The following GABBR1 variants were observed in gnomAD, a reference collection of about 807,000 sequenced individuals.
GABBR1 encodes gamma-aminobutyric acid type B receptor subunit 1.
Under a neutral mutation model 117.7 loss-of-function variants are expected in GABBR1, and 35 were observed. The observed-to-expected ratio is 0.30, with a 90% CI of 0.23 to 0.39. The LOEUF (loss-of-function observed/expected upper bound fraction) is 0.39, where lower values mean the gene tolerates loss of function less well. GABBR1 is among the 10% of genes least tolerant of loss of function. GABBR1 has a pLI of 1.00. For synonymous variants in GABBR1, 442 were observed against 486.6 expected (o/e 0.91, Z 1.21); for missense variants, 709 against 1,241.8 (o/e 0.57, Z 6.45).
Position 29,625,410 on chromosome 6 carries a change from C to T in GABBR1, c.658-1386G>A, listed in dbSNP as rs1314531840. 2.0e-5 allele frequency among the ~76,000 whole-genome samples: 3 copies of T among 152,152 alleles called. No individual in the cohort carries two copies. In the East Asian group the frequency reaches 5.8e-4, roughly 29 times the overall value. On this transcript the variant is annotated intron_variant, in intron 6 of 22. Coordinates refer to ENST00000377034, the MANE Select transcript of GABBR1 (RefSeq NM_001470.4). ...CAAGAACATATAAGATACATATCAA[C>T]AGGGCAAGGCATGCCCCCCATTTTG...
intron 4 of GABBR1, chr6:29,629,372 G>A (rs899410762): frequency 1.6e-6 from 1 of 624,684 alleles, no homozygotes; most frequent in Non-Finnish European, 2.9e-6. Context: ...GCAGATCTTG[G>A]TTCTGTGGTG....
At chr6:29,616,418 G>C (rs1763111152) in intron 11 of GABBR1, among the ~76,000 whole-genome samples, 1 of 151,342 alleles carries the variant, frequency 6.6e-6, no homozygotes, top group African/African-American at 2.4e-5. Context: ...TGGAGCAGTG[G>C]CTCACGCCTG....
chr6:29,629,370 T>G, intron 4 of GABBR1: 1 of 625,998 alleles, frequency 1.6e-6, no homozygotes, highest in South Asian at 1.8e-5. Flanking sequence ...GGGCAGATCT[T>G]GGTTCTGTGG....
intron 6 of GABBR1, among the ~76,000 whole-genome samples, chr6:29,625,082 G>T (rs1266258100): frequency 6.6e-6 from 1 of 151,988 alleles, no homozygotes; most frequent in African/African-American, 2.4e-5. Context: ...GGACACGGTG[G>T]GAAGTTGGAG....
chr6:29,615,608 T>TAAAAA lies in GABBR1; in HGVS notation c.1324-2124_1324-2123insTTTTT, dbSNP rs767969781. Among the ~76,000 whole-genome samples, 592 of 126,984 alleles carry TAAAAA rather than the reference T, an allele frequency of 4.7e-3. 6 individuals carry two copies. The highest frequency in any genetic ancestry group is 9.8e-3 in the Middle Eastern group (2 of 204). 83.3% of individuals were successfully genotyped at this position (126,984 alleles called of 152,430 possible). A position where few individuals can be genotyped will look rare whatever the true frequency, so the allele number is the denominator to read the frequency against. ...TGGGCGATGGAGTGAGACTCTGCCT[T>TAAAAA]TAAAAAAAAAAAAAAAAAAAGGCAG... On this transcript the variant is annotated intron_variant, in intron 11 of 22. Coordinates refer to ENST00000377034, the MANE Select transcript of GABBR1 (RefSeq NM_001470.4).
At position 29,613,341 on chromosome 6, in the gene GABBR1, G is replaced by T; in HGVS notation, c.1468C>A (p.Arg490Ser). ...ALNKTSGGGG[R>S]SGVRLEDFNY... ...AAGTCCTCCAGGCGCACACCAGAAC[G>T]GCCGCCTCCTCCAGATGTCTTGTTC... The change falls in exon 12 of 23, where the codon CGT becomes AGT. Residue 490 changes from arginine (R) to serine (S), a missense_variant. This residue lies in a region of GABBR1 where 38 missense variants were observed against 47.7 expected (regional missense o/e 0.80). Coordinates refer to ENST00000377034, the MANE Select transcript of GABBR1 (RefSeq NM_001470.4). This position sits in a 1 kb window ranked among gnomAD's most constrained non-coding sequence, Gnocchi z 4.1. The T allele has an allele frequency of 6.2e-7, 1 of 1,613,070 alleles. No homozygotes were observed. The highest frequency in any genetic ancestry group is 8.5e-7 in the Non-Finnish European group (1 of 1,180,024).
At position 29,627,782 on chromosome 6, in the gene GABBR1, C is replaced by A. The variant is rs1764470045; in HGVS notation, c.497-136G>T. The A allele has an allele frequency of 3.4e-6, 5 of 1,455,760 alleles. No homozygotes were observed. The East Asian group carries it at 1.3e-4, about 37-fold the overall frequency. 90.2% of individuals were successfully genotyped at this position (1,455,760 alleles called of 1,614,324 possible). A position where few individuals can be genotyped will look rare whatever the true frequency, so the allele number is the denominator to read the frequency against. On this transcript the variant is annotated intron_variant, in intron 5 of 22. Transcript: ENST00000377034. The surrounding 1 kb of genome is among the most constrained non-coding windows in gnomAD (Gnocchi z 4.4). ...CACCCCACCCGGGCAAAAGGGGCCCCGGGCCCCATGGCGTGGGGGGCAGGG... is the reference window on the plus strand; with the variant it reads ...CACCCCACCCGGGCAAAAGGGGCCCAGGGCCCCATGGCGTGGGGGGCAGGG...
chr6:29,603,238 G>A lies in GABBR1; in HGVS notation c.*305C>T. 1 of 583,986 alleles carries A rather than the reference G, an allele frequency of 1.7e-6. No individual in the cohort carries two copies. Among genetic ancestry groups the A allele is most frequent in the Non-Finnish European group, 3.2e-6 (1 of 308,684 alleles). The allele number at this position is 583,986 out of a possible 1,614,324, so 36.2% of individuals were successfully genotyped here. ...AGAGGGTGTTGCATGGGAAGAGAAAGATGCAGTGAGGCTGCTGAGGAGGCA... is the reference window on the plus strand; with the variant it reads ...AGAGGGTGTTGCATGGGAAGAGAAAAATGCAGTGAGGCTGCTGAGGAGGCA... On this transcript the variant is annotated 3_prime_UTR_variant, in exon 23 of 23. Transcript: ENST00000377034.
At position 29,621,429 on chromosome 6, in the gene GABBR1, G is replaced by T. The variant is rs1051761727; in HGVS notation, c.1132-137C>A. ...AAAAGAGAAATCTACAAGTCTTGGG[G>T]ATAGTAGGAAAGGCTGACAATTCTT... On this transcript the variant is annotated intron_variant, in intron 10 of 22. Transcript: ENST00000377034. This position sits in a 1 kb window ranked among gnomAD's most constrained non-coding sequence, Gnocchi z 5.0. 6 of 736,450 alleles carry T rather than the reference G, an allele frequency of 8.1e-6. No homozygotes were observed. The African/African-American group carries it at 8.9e-5, about 11-fold the overall frequency. The allele number at this position is 736,450 out of a possible 1,614,324, so 45.6% of individuals were successfully genotyped here.
Position 29,606,909 on chromosome 6 carries a change from G to A in GABBR1, c.2205C>T (p.His735=). 1 of 1,613,944 alleles carries A rather than the reference G, an allele frequency of 6.2e-7. No homozygotes were observed. The highest frequency in any genetic ancestry group is 1.1e-5 in the South Asian group (1 of 91,090). ...TCTCCAGTGGTACCTCAATGGTCCG[G>A]TGCAGAGGGTCCACGATCTGCCAGA... ...LAIWQIVDPL[H]RTIETFAKEE... Residue 735 remains histidine, a synonymous_variant, in exon 18 of 23, where the codon CAC becomes CAT. Transcript: ENST00000377034. This position sits in a 1 kb window ranked among gnomAD's most constrained non-coding sequence, Gnocchi z 4.5.
chr6:29,628,138 G>A, intron 5 of GABBR1: 1 of 490,674 alleles, frequency 2.0e-6, no homozygotes, highest in Non-Finnish European at 2.6e-6. Flanking sequence ...GGCAGGAAGG[G>A]GGCGGGGAGG....
intron 14 of GABBR1, among the ~76,000 whole-genome samples, chr6:29,610,048 A>C (rs1762379228): frequency 6.7e-6 from 1 of 150,054 alleles, no homozygotes; most frequent in Admixed American, 6.7e-5. Flanking sequence ...AATCCAGAAC[A>C]TTGTCCTAAA....
chr6:29,630,523 A>AGATG lies in GABBR1; in HGVS notation c.406_409dup (p.Leu137ProfsTer11). The AGATG allele has an allele frequency of 6.2e-7, 1 of 1,613,110 alleles. No individual in the cohort carries two copies. Among genetic ancestry groups the AGATG allele is most frequent in the Non-Finnish European group, 8.5e-7 (1 of 1,180,042 alleles). Reference sequence around the variant, plus strand: ...ACAGATGCTCCGGGAGCTGCCCACCAGATGGAAGTCGGGGTCACACCGGAA... The same window carrying AGATG: ...ACAGATGCTCCGGGAGCTGCCCACCAGATGGATGGAAGTCGGGGTCACACCGGAA... On this transcript the variant is annotated frameshift_variant, in exon 4 of 23. Transcript: ENST00000377034. LOFTEE classifies it high-confidence loss of function. The surrounding 1 kb of genome is among the most constrained non-coding windows in gnomAD (Gnocchi z 4.9).
In GABBR1 at chr6:29,631,631, G is replaced by A. The variant is rs746189959; in HGVS notation, c.86-32C>T. 3.8e-6 allele frequency: 6 copies of A among 1,596,564 alleles called. No individual in the cohort carries two copies. The South Asian group carries it at 5.5e-5, about 15-fold the overall frequency. On this transcript the variant is annotated intron_variant, in intron 2 of 22. Transcript: ENST00000377034. The surrounding 1 kb of genome is among the most constrained non-coding windows in gnomAD (Gnocchi z 5.9). ...GGTGAGTCGGGGAGGCATACAGAGA[G>A]GAATGGTGGGAAAGAGGAAAAGGCA...
rs913775064 is a variant in GABBR1 at position 29,617,846 on chromosome 6, T to C, written c.1323+3255A>G. On this transcript the variant is annotated intron_variant, in intron 11 of 22. Transcript: ENST00000377034. ...ATGATGATGATAATGATAACGATGATGGTGGCTAACATGTATACAGTCCTT... is the reference window on the plus strand; with the variant it reads ...ATGATGATGATAATGATAACGATGACGGTGGCTAACATGTATACAGTCCTT... Among the ~76,000 whole-genome samples the C allele has an allele frequency of 2.0e-5, 3 of 152,360 alleles. No individual in the cohort carries two copies. The South Asian group carries it at 6.2e-4, about 32-fold the overall frequency.
Position 29,604,828 on chromosome 6 carries a change from C to T in GABBR1, c.2568+32G>A, listed in dbSNP as rs1761783280. The T allele has an allele frequency of 6.2e-7, 1 of 1,605,058 alleles. No homozygotes were observed. The highest frequency in any genetic ancestry group is 2.2e-5 in the East Asian group (1 of 44,848). ...AGGAGGGATGGAGGGAACATGGGAACAAAGAGGGTGGGAGAAAAGCCAGAT... is the reference window on the plus strand; with the variant it reads ...AGGAGGGATGGAGGGAACATGGGAATAAAGAGGGTGGGAGAAAAGCCAGAT... On this transcript the variant is annotated intron_variant, in intron 21 of 22. Transcript: ENST00000377034. This position sits in a 1 kb window ranked among gnomAD's most constrained non-coding sequence, Gnocchi z 5.3.
rs1435217908 is a variant in GABBR1 at position 29,621,437 on chromosome 6, G to C, written c.1132-145C>G. On this transcript the variant is annotated intron_variant, in intron 10 of 22. Coordinates refer to ENST00000377034, the MANE Select transcript of GABBR1 (RefSeq NM_001470.4). The surrounding 1 kb of genome is among the most constrained non-coding windows in gnomAD (Gnocchi z 5.0). ...AATCTACAAGTCTTGGGGATAGTAG[G>C]AAAGGCTGACAATTCTTCCTTCTAA... 2.8e-6 allele frequency: 2 copies of C among 720,138 alleles called. No homozygotes were observed. Among genetic ancestry groups the C allele is most frequent in the African/African-American group, 3.6e-5 (2 of 55,910 alleles). The allele number at this position is 720,138 out of a possible 1,614,324, so 44.6% of individuals were successfully genotyped here. A position where few individuals can be genotyped will look rare whatever the true frequency, so the allele number is the denominator to read the frequency against.
chr6:29,615,487 T>C (rs1165369352), intron 11 of GABBR1, among the ~76,000 whole-genome samples: 1 of 150,456 alleles, frequency 6.6e-6, no homozygotes, highest in Non-Finnish European at 1.5e-5. Context: ...TGGGCTCCCG[T>C]AATCCCAGCT....
chr6:29,621,089 CCACACTCT>C lies in GABBR1; in HGVS notation c.1323+4_1323+11del. 6.2e-7 allele frequency: 1 copy of C among 1,609,210 alleles called. No individual in the cohort carries two copies. Among genetic ancestry groups the C allele is most frequent in the Non-Finnish European group, 8.5e-7 (1 of 1,178,202 alleles). On this transcript the variant is annotated splice_donor_5th_base_variant and intron_variant, in intron 11 of 22. Coordinates refer to ENST00000377034, the MANE Select transcript of GABBR1 (RefSeq NM_001470.4). The surrounding 1 kb of genome is among the most constrained non-coding windows in gnomAD (Gnocchi z 5.0). ...CTCCCAGGTGCCAGACTGCAAGTCC[CCACACTCT>C]CACCATGTTGGAAATGCTGCGGGTA...
Sources: gnomAD v4.1 joint callset for allele counts (sites outside exome capture counted in the v4.1 genomes callset) on GRCh38, gnomAD v4.1.1 for gene constraint, gnomAD v4.1.1 regional missense constraint, Gnocchi (gnomAD v3.1) non-coding constraint, MANE v1.5 for transcripts, NCBI Gene and HGNC (gene_info 2026-07-23, HGNC 2026-07-21) for gene names.